ARHGEF12: variants seen among roughly 807,000 people sequenced by gnomAD.
ARHGEF12 encodes Rho guanine nucleotide exchange factor 12.
Under a neutral mutation model 211.2 loss-of-function variants are expected in ARHGEF12, and 66 were observed. The ratio of observed to expected loss-of-function variants is 0.31; its 90% confidence interval spans 0.26 to 0.38. The LOEUF (loss-of-function observed/expected upper bound fraction) is 0.38, where lower values mean the gene tolerates loss of function less well. Ranked by LOEUF, ARHGEF12 falls within the 10% of genes least tolerant of loss-of-function variation. The probability of loss-of-function intolerance (pLI) is 1.00; values close to 1 mark genes in which losing one functional copy is unlikely to be tolerated. For synonymous variants in ARHGEF12, 592 were observed against 638.4 expected (o/e 0.93, Z 1.09); for missense variants, 1,429 against 1,869.5 (o/e 0.76, Z 4.34).
chr11:120,396,743 G>A (rs948397208), intron 1 of ARHGEF12, among the ~76,000 whole-genome samples: 2 of 152,174 alleles, frequency 1.3e-5, no homozygotes, highest in Non-Finnish European at 2.9e-5. Flanking sequence ...GTAAATCTTT[G>A]TGATTTGGGG....
At chr11:120,440,851 A>G (rs1945848716) in intron 13 of ARHGEF12, among the ~76,000 whole-genome samples, 1 of 152,058 alleles carries the variant, frequency 6.6e-6, no homozygotes, top group Non-Finnish European at 1.5e-5. Context: ...GGCTCTTTAT[A>G]AGGTTAAGGG....
intron 16 of ARHGEF12, among the ~76,000 whole-genome samples, chr11:120,446,111 T>C (rs558433812): frequency 6.6e-6 from 1 of 151,560 alleles, no homozygotes; most frequent in Non-Finnish European, 1.5e-5. Context: ...GGCAGGAGAA[T>C]GGCATGAACC....
At chr11:120,377,715 A>C (rs1253634644) in intron 1 of ARHGEF12, among the ~76,000 whole-genome samples, 1 of 151,968 alleles carries the variant, frequency 6.6e-6, no homozygotes, top group African/African-American at 2.4e-5. Flanking sequence ...CCTTTTTCTT[A>C]CCATAATAGT....
At chr11:120,360,532 A>G (rs1487901500) in intron 1 of ARHGEF12, among the ~76,000 whole-genome samples, 2 of 152,106 alleles carry the variant, frequency 1.3e-5, no homozygotes, top group Non-Finnish European at 2.9e-5. Flanking sequence ...AGCTGGGACC[A>G]TAAGTGCATA....
At position 120,488,413 on chromosome 11, in the gene ARHGEF12, T is replaced by G. The variant is rs536321103; in HGVS notation, c.*3336T>G. ...TCACAGTCAGCTTCCTCATGGCTAG[T>G]TTTTCCCCCTTATATTACAATTTTT... On this transcript the variant is annotated 3_prime_UTR_variant, in exon 41 of 41. Coordinates refer to ENST00000397843, the MANE Select transcript of ARHGEF12 (RefSeq NM_015313.3). The G allele has an allele frequency of 1.2e-4, 26 of 215,858 alleles. No homozygotes were observed. The highest frequency in any genetic ancestry group is 1.1e-3 in the Admixed American group (19 of 17,218). The allele number at this position is 215,858 out of a possible 1,614,324, so 13.4% of individuals were successfully genotyped here.
At chr11:120,465,446 CTT>C (rs2135929888) in intron 28 of ARHGEF12, 84 bp downstream of exon 28, 2 of 1,541,678 alleles carry the variant, frequency 1.3e-6, no homozygotes, top group East Asian at 2.3e-5. Context: ...CTGACTAAGA[CTT>C]TTACAAAGAT....
rs1291516877 is a variant in ARHGEF12 at position 120,465,370 on chromosome 11, G to T, written c.2739+8G>T. The stretch of plus-strand genomic sequence containing the variant: ...TTTCAGACTTTTGTGCAAGTGAGTT[G>T]AGTGAGTCATGTAAGAAAAAAAATA... On this transcript the variant is annotated splice_region_variant and intron_variant, in intron 28 of 40. Transcript: ENST00000397843. 2 of 1,613,746 alleles carry T rather than the reference G, an allele frequency of 1.2e-6. No homozygotes were observed. The highest frequency in any genetic ancestry group is 4.5e-5 in the East Asian group (2 of 44,876).
chr11:120,355,373 A>G (rs1591493256), intron 1 of ARHGEF12, among the ~76,000 whole-genome samples: 1 of 152,234 alleles, frequency 6.6e-6, no homozygotes, highest in Non-Finnish European at 1.5e-5. Context: ...CATGAACACC[A>G]GCTTCTACAT....
chr11:120,382,624 G>A (rs1480236354), intron 1 of ARHGEF12, among the ~76,000 whole-genome samples: 4 of 152,214 alleles, frequency 2.6e-5, no homozygotes. Context: ...ATCAGCGGAT[G>A]TAGTTTCTAG....
intron 11 of ARHGEF12, among the ~76,000 whole-genome samples, chr11:120,436,688 C>T (rs1320411886): frequency 6.6e-6 from 1 of 152,088 alleles, no homozygotes; most frequent in Admixed American, 6.5e-5. Flanking sequence ...ATTTATACAG[C>T]ATTTATGCTG....
chr11:120,403,594 G>A (rs777523305), intron 1 of ARHGEF12, among the ~76,000 whole-genome samples: 2 of 151,154 alleles, frequency 1.3e-5, no homozygotes, highest in African/African-American at 2.4e-5. Context: ...ATTAATCATC[G>A]TTCTTCATTT....
chr11:120,411,135 A>G (rs1944868973), intron 4 of ARHGEF12: 1 of 152,192 alleles, frequency 6.6e-6, no homozygotes, highest in East Asian at 1.9e-4. Context: ...AGTGATAGAA[A>G]CATTTTAAGT....
chr11:120,403,259 C>T (rs769727533), intron 1 of ARHGEF12, among the ~76,000 whole-genome samples: 38 of 152,288 alleles, frequency 2.5e-4, no homozygotes, highest in Non-Finnish European at 4.7e-4. Flanking sequence ...GTAATCCCAG[C>T]ACTTTGGGAG....
intron 1 of ARHGEF12, among the ~76,000 whole-genome samples, chr11:120,349,338 T>C (rs1051537426): frequency 8.5e-5 from 13 of 152,222 alleles, no homozygotes; most frequent in African/African-American, 3.1e-4. Flanking sequence ...ATAGTAATTA[T>C]ATTAATTTTG....
At chr11:120,351,538 T>C (rs1942972951) in intron 1 of ARHGEF12, among the ~76,000 whole-genome samples, 1 of 143,724 alleles carries the variant, frequency 7.0e-6, no homozygotes, top group South Asian at 2.3e-4. Flanking sequence ...TGGCATGGTC[T>C]TGGCTCACTT....
intron 11 of ARHGEF12, among the ~76,000 whole-genome samples, chr11:120,434,777 G>C (rs1945645684): frequency 6.6e-6 from 1 of 152,090 alleles, no homozygotes; most frequent in Admixed American, 6.5e-5. Flanking sequence ...CTATCATTTT[G>C]ATTTTCAGTT....
At position 120,489,258 on chromosome 11, in the gene ARHGEF12, T is replaced by C. The variant is rs547981128; in HGVS notation, c.*4181T>C. The C allele has an allele frequency of 4.4e-6, 1 of 227,394 alleles. No homozygotes were observed. Among genetic ancestry groups the C allele is most frequent in the African/African-American group, 2.2e-5 (1 of 45,084 alleles). 14.1% of individuals were successfully genotyped at this position (227,394 alleles called of 1,614,324 possible). ...AGGTTTGTTGTTTTTTTAATAGCTTTATTGAGATATTCACATATCATATAA... is the reference window on the plus strand; with the variant it reads ...AGGTTTGTTGTTTTTTTAATAGCTTCATTGAGATATTCACATATCATATAA... On this transcript the variant is annotated 3_prime_UTR_variant, in exon 41 of 41. Coordinates refer to ENST00000397843, the MANE Select transcript of ARHGEF12 (RefSeq NM_015313.3).
chr11:120,427,330 T>C (rs1388239211), intron 7 of ARHGEF12, among the ~76,000 whole-genome samples: 1 of 152,230 alleles, frequency 6.6e-6, no homozygotes, highest in African/African-American at 2.4e-5. Flanking sequence ...GTCATACTCA[T>C]TTTGTAAAGT....
rs191618136 is a variant in ARHGEF12, at chr11:120,349,034, A to G, written c.32+11759A>G. On this transcript the variant is annotated intron_variant, in intron 1 of 40. Coordinates refer to ENST00000397843, the MANE Select transcript of ARHGEF12 (RefSeq NM_015313.3). ...AAGCATTTTGGGTAAGGGATACCCA[A>G]TGTGTACCTTTGTTAGGATAATATA... 9.8e-4 allele frequency among the ~76,000 whole-genome samples: 149 copies of G among 152,280 alleles called. 2 individuals carry two copies. In the East Asian group the frequency reaches 0.023, roughly 24 times the overall value.
Sources: allele counts gnomAD v4.1 joint callset (sites outside exome capture counted in the v4.1 genomes callset), GRCh38; gene constraint gnomAD v4.1.1; transcripts MANE v1.5; gene names NCBI Gene and HGNC (gene_info 2026-07-23, HGNC 2026-07-21).